The following PKD1 variants were observed in gnomAD, a reference collection of about 807,000 sequenced individuals.
The protein encoded by PKD1 is polycystin 1, transient receptor potential channel interacting.
PKD1 carries 81 observed loss-of-function variants against 361.7 expected under a neutral mutation model. The observed-to-expected ratio is 0.22, with a 90% CI of 0.19 to 0.27. The LOEUF is 0.27. PKD1 is among the 10% of genes least tolerant of loss of function. PKD1 has a pLI of 1.00. For missense variants in PKD1, 6,399 were observed against 6,118.3 expected (o/e 1.05, Z -1.53); for synonymous variants, 3,615 against 2,818.3 (o/e 1.28, Z -8.95).
Position 2,100,402 on chromosome 16 carries a change from T to C in PKD1, c.9562A>G (p.Asn3188Asp), listed in dbSNP as rs1384099162. 1 of 1,611,176 alleles carries C rather than the reference T, an allele frequency of 6.2e-7. No homozygotes were observed. The highest frequency in any genetic ancestry group is 8.5e-7 in the Non-Finnish European group (1 of 1,179,772). Residue 3188 changes from asparagine to aspartate, a missense_variant, in exon 27 of 46, where the codon AAC (asparagine) becomes GAC (aspartate). Asn to Asp is a conservative substitution (Grantham distance 23). Transcript: ENST00000262304. This position sits in a 1 kb window ranked among gnomAD's most constrained non-coding sequence, Gnocchi z 4.4. ...SVWKIRVWHD[N>D]KGLSPAWFLQ... ...TGGCAGGGTCCGCACAAACCTTTGT[T>C]GTCGTGCCACACTCGGATCTTCCAC... is the stretch of plus-strand genomic sequence containing the variant.
At position 2,111,004 on chromosome 16, in the gene PKD1, T is replaced by C; in HGVS notation, c.4163A>G (p.Glu1388Gly). ...GTCCCCGAGCTGCACAAACTGCCTC[T>C]CTGGCTGCAGGGTGACGTTGCCCAC... ...PEVGNVTLQPERQFVQLGDEA... is the reference protein window; with the variant it reads ...PEVGNVTLQPGRQFVQLGDEA... The change falls in exon 15 of 46, where the codon GAG becomes GGG. Residue 1388 changes from glutamate (E) to glycine (G), a missense_variant. By Grantham distance (98) the Glu-to-Gly change is moderately conservative. Transcript: ENST00000262304. 1 of 1,610,656 alleles carries C rather than the reference T, an allele frequency of 6.2e-7. No individual in the cohort carries two copies. The highest frequency in any genetic ancestry group is 8.5e-7 in the Non-Finnish European group (1 of 1,179,798).
chr16:2,092,679 C>A (rs2854583), intron 38 of PKD1, 87 bp from the exon 39 acceptor site: 1 of 987,266 alleles, frequency 1.0e-6, no homozygotes. Context: ...GGGAACATGG[C>A]TCCCACTGCC....
chr16:2,115,781 G>A (rs1306613674), intron 9 of PKD1, among the ~76,000 whole-genome samples, 156 bp from the exon 10 acceptor site: 1 of 152,172 alleles, frequency 6.6e-6, no homozygotes, highest in Non-Finnish European at 1.5e-5. Context: ...TCTCCGGCCA[G>A]CCGACTGACC....
chr16:2,091,854 C>G lies in PKD1; in HGVS notation c.11464G>C (p.Glu3822Gln). 6.2e-7 allele frequency: 1 copy of G among 1,610,578 alleles called. No homozygotes were observed. The highest frequency in any genetic ancestry group is 1.3e-5 in the African/African-American group (1 of 75,000). ...CTCTCCTCCAGGCTCAGGCCCAGCT[C>G]CTGCACGTAGCCCCCGCTGTCATAC... is the stretch of plus-strand genomic sequence containing the variant. Reference protein sequence around the residue: ...AVYDSGGYVQELGLSLEESRD... With the variant: ...AVYDSGGYVQQLGLSLEESRD... Residue 3822 changes from glutamate to glutamine, a missense_variant, in exon 41 of 46, where the codon GAG (glutamate) becomes CAG (glutamine). Physicochemically the swap from Glu to Gln is conservative, Grantham distance 29. Transcript: ENST00000262304.
In PKD1 at chr16:2,088,888, C is replaced by T. The variant is rs1323698822; in HGVS notation, c.*839G>A. The stretch of plus-strand genomic sequence containing the variant: ...ACTCGCGCGTGCGCGCGCGCACACA[C>T]ACACACACACAGTCACCTTCCTCCA... On this transcript the variant is annotated 3_prime_UTR_variant, in exon 46 of 46. Transcript: ENST00000262304. 4 of 436,222 alleles carry T rather than the reference C, an allele frequency of 9.2e-6. No homozygotes were observed. Among genetic ancestry groups the T allele is most frequent in the Non-Finnish European group, 1.7e-5 (4 of 239,750 alleles). The allele number at this position is 436,222 out of a possible 1,614,324, so 27.0% of individuals were successfully genotyped here.
intron 1 of PKD1, among the ~76,000 whole-genome samples, chr16:2,123,112 A>G (rs2092748221): frequency 6.6e-6 from 1 of 152,016 alleles, no homozygotes; most frequent in Non-Finnish European, 1.5e-5. Context: ...TGCCATGGAC[A>G]CTTCTTCCAC....
Position 2,090,071 on chromosome 16 carries a change from A to G in PKD1, c.12568T>C (p.Ser4190Pro). The change falls in exon 46 of 46, where the codon TCC becomes CCC. Residue 4190 changes from serine (S) to proline (P), a missense_variant. Coordinates refer to ENST00000262304, the MANE Select transcript of PKD1 (RefSeq NM_001009944.3). Reference protein sequence around the residue: ...AGSDASHPSTSSSQLDGLSVS... With the variant: ...AGSDASHPSTPSSQLDGLSVS... ...CTCAGCCCATCCAGCTGGCTGGAGG[A>G]GGTGGAGGGGTGCGAGGCATCGGAG... 6.2e-7 allele frequency: 1 copy of G among 1,610,562 alleles called. No homozygotes were observed. The highest frequency in any genetic ancestry group is 8.5e-7 in the Non-Finnish European group (1 of 1,178,468).
chr16:2,093,392 T>C (rs1255510949), intron 37 of PKD1, 152 bp downstream of exon 37: 2 of 779,144 alleles, frequency 2.6e-6, no homozygotes. Flanking sequence ...GGGCGTGGGG[T>C]AGGAGGGAGA....
At chr16:2,092,711 G>C in intron 38 of PKD1, 119 bp from the exon 39 acceptor site, 1 of 867,142 alleles carries the variant, frequency 1.2e-6, no homozygotes, top group Non-Finnish European at 1.9e-6. Flanking sequence ...GGCTAGACCT[G>C]GGCTTCTCAG....
rs767579073 is a variant in PKD1 at position 2,117,663 on chromosome 16, G to C, written c.1211C>G (p.Pro404Arg). 9.0e-5 allele frequency: 145 copies of C among 1,609,838 alleles called. No individual in the cohort carries two copies. The highest frequency in any genetic ancestry group is 2.2e-4 in the Middle Eastern group (1 of 4,452). ...LGEEPARAVH[P>R]LCPSDTEIFP... ...GATCTCCGTGTCCGAGGGGCAGAGCGGGTGCACCGCTGGAGACCGGTGGGA... is the reference window on the plus strand; with the variant it reads ...GATCTCCGTGTCCGAGGGGCAGAGCCGGTGCACCGCTGGAGACCGGTGGGA... The change falls in exon 6 of 46, where the codon CCG becomes CGG. Residue 404 changes from proline to arginine, a missense_variant. Physicochemically the swap from Pro to Arg is moderately radical, Grantham distance 103 (BLOSUM62 -2). Coordinates refer to ENST00000262304, the MANE Select transcript of PKD1 (RefSeq NM_001009944.3).
chr16:2,090,633 A>C (rs369428917), intron 44 of PKD1, 41 bp downstream of exon 44: 15 of 1,609,840 alleles, frequency 9.3e-6, no homozygotes, highest in Non-Finnish European at 1.3e-5. Context: ...AGCTGAGCTG[A>C]GCTGAGCTAA....
chr16:2,102,506 G>A lies in PKD1; in HGVS notation c.9076C>T (p.Arg3026Trp), dbSNP rs1354953295. ...TCCAGGGGCAGCAGCCCCTCTGTCC[G>A]CCACACCATGTCCTCCTCGCTGAAG... Reference protein sequence around the residue: ...QYFSEEDMVWRTEGLLPLEET... With the variant: ...QYFSEEDMVWWTEGLLPLEET... Residue 3026 changes from arginine to tryptophan, a missense_variant, in exon 25 of 46, where the codon CGG becomes TGG. Arg to Trp is a moderately radical substitution (Grantham distance 101). Transcript: ENST00000262304. 3 of 1,593,858 alleles carry A rather than the reference G, an allele frequency of 1.9e-6. No homozygotes were observed. The highest frequency in any genetic ancestry group is 2.6e-6 in the Non-Finnish European group (3 of 1,172,122).
In PKD1 at chr16:2,091,957, C is replaced by T. The variant is rs541920017; in HGVS notation, c.11412-51G>A. ...CCGCACCCCAGCCCTTCCGGCACCCCGGAGCCAGGCTGGTCAGGAGGCCGC... is the reference window on the plus strand; with the variant it reads ...CCGCACCCCAGCCCTTCCGGCACCCTGGAGCCAGGCTGGTCAGGAGGCCGC... On this transcript the variant is annotated intron_variant, in intron 40 of 45. Coordinates refer to ENST00000262304, the MANE Select transcript of PKD1 (RefSeq NM_001009944.3). 280 of 1,611,816 alleles carry T rather than the reference C, an allele frequency of 1.7e-4. No homozygotes were observed. The East Asian group carries it at 6.1e-3, about 35-fold the overall frequency.
At position 2,118,507 on chromosome 16, in the gene PKD1, TC is replaced by T; in HGVS notation, c.530-46del. 1.4e-6 allele frequency: 2 copies of T among 1,405,120 alleles called. No homozygotes were observed. The highest frequency in any genetic ancestry group is 1.9e-6 in the Non-Finnish European group (2 of 1,027,910). The allele number at this position is 1,405,120 out of a possible 1,614,324, so 87.0% of individuals were successfully genotyped here. On this transcript the variant is annotated intron_variant, in intron 4 of 45. Coordinates refer to ENST00000262304, the MANE Select transcript of PKD1 (RefSeq NM_001009944.3). The surrounding 1 kb of genome is among the most constrained non-coding windows in gnomAD (Gnocchi z 6.0). The stretch of plus-strand genomic sequence containing the variant: ...GACCCCGGGTTCTGCTCCTCCTGGC[TC>T]CACCCCACGCCCCCACATCCGCCCG...
In PKD1 at chr16:2,110,703, A is replaced by G. The variant is rs1164459509; in HGVS notation, c.4464T>C (p.Ser1488=). The G allele has an allele frequency of 3.7e-6, 6 of 1,610,494 alleles. No individual in the cohort carries two copies. Among genetic ancestry groups the G allele is most frequent in the Non-Finnish European group, 5.1e-6 (6 of 1,179,774 alleles). Residue 1488 remains serine (S), a synonymous_variant, in exon 15 of 46, where the codon TCT becomes TCC. Coordinates refer to ENST00000262304, the MANE Select transcript of PKD1 (RefSeq NM_001009944.3). ...GLELQQPYLF[S]AVGRGRPASY... is the part of the protein sequence containing the mutation. ...TGGCGGGGCGCCCACGGCCCACAGC[A>G]GAGAACAGGTACGGCTGCTGCAGCT...
rs765476996 is a variant in PKD1, at chr16:2,103,711, C to T, written c.8346G>A (p.Val2782=). ...GCGGGTCCGAGCGCTTGCCCTGGGC[C>T]ACGATCTCCTCGCCCGCCAGCGTCA... ...EPLTLAGEEI[V]AQGKRSDPRS... Residue 2782 remains valine, a synonymous_variant, in exon 23 of 46, where the codon GTG becomes GTA. Transcript: ENST00000262304. The T allele has an allele frequency of 6.2e-7, 1 of 1,609,956 alleles. No individual in the cohort carries two copies. Among genetic ancestry groups the T allele is most frequent in the Non-Finnish European group, 8.5e-7 (1 of 1,179,534 alleles).
At position 2,102,607 on chromosome 16, in the gene PKD1, T is replaced by C. The variant is rs2092141521; in HGVS notation, c.8975A>G (p.His2992Arg). 2 of 1,611,146 alleles carry C rather than the reference T, an allele frequency of 1.2e-6. No homozygotes were observed. Among genetic ancestry groups the C allele is most frequent in the East Asian group, 2.2e-5 (1 of 44,890 alleles). The change falls in exon 25 of 46, where the codon CAT becomes CGT. Residue 2992 changes from histidine (H) to arginine (R), a missense_variant. Physicochemically the swap from His to Arg is conservative, Grantham distance 29. Coordinates refer to ENST00000262304, the MANE Select transcript of PKD1 (RefSeq NM_001009944.3). ...GCGGAAGTGGCTGGAGAGGTTCAGA[T>C]GGTAACTCCCCGCTGGGTCTCTGCT... The part of the protein sequence containing the change: ...PGSRDPAGSY[H>R]LNLSSHFRWS...
chr16:2,128,901 T>TG (rs1232835645), intron 1 of PKD1, among the ~76,000 whole-genome samples: 2 of 151,898 alleles, frequency 1.3e-5, no homozygotes, highest in Non-Finnish European at 2.9e-5. Context: ...TCTCGCTCTG[T>TG]TGACCAGGCT....
At chr16:2,111,921 C>T (rs765469623) in intron 14 of PKD1, 50 bp from the exon 15 acceptor site, 1 of 1,599,520 alleles carries the variant, frequency 6.3e-7, no homozygotes, top group East Asian at 2.2e-5. Flanking sequence ...CACCTGCTCC[C>T]CACCCGCTCG....
Sources: allele counts gnomAD v4.1 joint callset (sites outside exome capture counted in the v4.1 genomes callset), GRCh38; gene constraint gnomAD v4.1.1; non-coding constraint Gnocchi (gnomAD v3.1); transcripts MANE v1.5; gene names NCBI Gene and HGNC (gene_info 2026-07-23, HGNC 2026-07-21).